The following CDH6 variants were observed in gnomAD, a reference collection of about 807,000 sequenced individuals.
CDH6 encodes cadherin 6.
In CDH6, 31 loss-of-function variants were observed where a neutral mutation model predicts 78.0. That is an observed-to-expected ratio of 0.40 (90% confidence interval 0.30 to 0.54). The LOEUF (loss-of-function observed/expected upper bound fraction) is 0.54, where lower values mean the gene tolerates loss of function less well. Among genes scored for constraint, CDH6 ranks in the 20% least tolerant of loss-of-function variants. The probability of loss-of-function intolerance (pLI) is 0.56; values close to 1 mark genes in which losing one functional copy is unlikely to be tolerated. For synonymous variants in CDH6, 376 were observed against 368.8 expected (o/e 1.02, Z -0.23); for missense variants, 724 against 975.9 (o/e 0.74, Z 3.44).
chr5:31,269,708 AG>A (rs1359246499), intron 2 of CDH6, among the ~76,000 whole-genome samples: 1 of 152,264 alleles, frequency 6.6e-6, no homozygotes, highest in Non-Finnish European at 1.5e-5. Context: ...AACAAAGCTC[AG>A]TGGAAAATAC....
chr5:31,255,014 T>C (rs1404594564), intron 1 of CDH6, among the ~76,000 whole-genome samples: 2 of 152,214 alleles, frequency 1.3e-5, no homozygotes, highest in Admixed American at 1.3e-4. Context: ...GCTCTTTCTA[T>C]TAAAAAATAT....
At chr5:31,269,603 A>G (rs977967781) in intron 2 of CDH6, among the ~76,000 whole-genome samples, 6 of 45,420 alleles carry the variant, frequency 1.3e-4, no homozygotes, top group African/African-American at 3.3e-4. Context: ...ATTATTGGTA[A>G]AAAATCCGTT....
In CDH6 at chr5:31,325,781, T is replaced by C. The variant is rs972521240; in HGVS notation, c.*2473T>C. 59 of 231,234 alleles carry C rather than the reference T, an allele frequency of 2.6e-4. No homozygotes were observed. The highest frequency in any genetic ancestry group is 1.3e-3 in the African/African-American group (58 of 45,364). 14.3% of individuals were successfully genotyped at this position (231,234 alleles called of 1,614,324 possible). A position where few individuals can be genotyped will look rare whatever the true frequency, so the allele number is the denominator to read the frequency against. On this transcript the variant is annotated 3_prime_UTR_variant, in exon 12 of 12. Coordinates refer to ENST00000265071, the MANE Select transcript of CDH6 (RefSeq NM_004932.4). The stretch of plus-strand genomic sequence containing the variant: ...TGATTACTTATGGAAATAACTTTAA[T>C]CTCTTATCATAAAAGCTGATGATGA...
At chr5:31,250,944 C>T in intron 1 of CDH6, 1 of 152,490 alleles carries the variant, frequency 6.6e-6, no homozygotes, top group Admixed American at 6.5e-5. Flanking sequence ...AAGGTCCCTC[C>T]ACCACTTGAA....
At chr5:31,210,469 A>G (rs1347912528) in intron 1 of CDH6, among the ~76,000 whole-genome samples, 1 of 152,164 alleles carries the variant, frequency 6.6e-6, no homozygotes, top group Non-Finnish European at 1.5e-5. Flanking sequence ...ACGCCACTGC[A>G]CTCCAGACTG....
intron 7 of CDH6, among the ~76,000 whole-genome samples, chr5:31,308,065 CTTA>C (rs1371013788): frequency 6.6e-6 from 1 of 151,982 alleles, no homozygotes; most frequent in Non-Finnish European, 1.5e-5. Context: ...AAAATTCATT[CTTA>C]TATTAGAAAA....
In CDH6 at chr5:31,257,990, G is replaced by A. The variant is rs555741061; in HGVS notation, c.-128-9356G>A. Among the ~76,000 whole-genome samples, 277 of 152,226 alleles carry A rather than the reference G, an allele frequency of 1.8e-3. 1 individual carries two copies. The highest frequency in any genetic ancestry group is 6.5e-3 in the African/African-American group (269 of 41,522). On this transcript the variant is annotated intron_variant, in intron 1 of 11. Transcript: ENST00000265071. ...CAAAGTATTCAGTCCCTCTAAGTCT[G>A]TGTTTCTTATCTCTCTGAAAGAGAG...
chr5:31,236,712 C>T (rs1243888016), intron 1 of CDH6, among the ~76,000 whole-genome samples: 1 of 152,214 alleles, frequency 6.6e-6, no homozygotes, highest in Non-Finnish European at 1.5e-5. Flanking sequence ...TTTGTCCTCT[C>T]TCTGAACTTG....
At chr5:31,303,360 G>C (rs916620245) in intron 6 of CDH6, among the ~76,000 whole-genome samples, 1 of 152,148 alleles carries the variant, frequency 6.6e-6, no homozygotes, top group Non-Finnish European at 1.5e-5. Context: ...CAGTGATCAA[G>C]ATGACTTGCA....
chr5:31,318,266 G>T, intron 11 of CDH6: 1 of 559,768 alleles, frequency 1.8e-6, no homozygotes, highest in Non-Finnish European at 3.2e-6. Flanking sequence ...GGAAAACGTT[G>T]TTAAGTGTCT....
rs202082546 is a variant in CDH6, at chr5:31,326,681, A to ATTTTT, written c.*3397_*3401dup. ...AAAGAGTTGTGCAGAAAATCTTAAA[A>ATTTTT]TTTTTTTTTTTTTTTTTTTTTTTTT... is the stretch of plus-strand genomic sequence containing the variant. On this transcript the variant is annotated 3_prime_UTR_variant, in exon 12 of 12. Coordinates refer to ENST00000265071, the MANE Select transcript of CDH6 (RefSeq NM_004932.4). 14 of 123,804 alleles carry ATTTTT rather than the reference A, an allele frequency of 1.1e-4. No homozygotes were observed. Among genetic ancestry groups the ATTTTT allele is most frequent in the East Asian group, 2.0e-4 (1 of 5,108 alleles). The allele number at this position is 123,804 out of a possible 1,614,324, so 7.7% of individuals were successfully genotyped here.
intron 1 of CDH6, among the ~76,000 whole-genome samples, chr5:31,260,727 G>A (rs958812607): frequency 6.6e-6 from 1 of 152,178 alleles, no homozygotes; most frequent in African/African-American, 2.4e-5. Context: ...TTGCCATAAT[G>A]ATTCATTGGC....
At chr5:31,287,772 T>C (rs957842000) in intron 2 of CDH6, among the ~76,000 whole-genome samples, 1 of 152,202 alleles carries the variant, frequency 6.6e-6, no homozygotes, top group Non-Finnish European at 1.5e-5. Context: ...TTTCTGATTC[T>C]GGAGGTAGGT....
intron 1 of CDH6, among the ~76,000 whole-genome samples, chr5:31,196,737 A>G (rs1740178905): frequency 6.6e-6 from 1 of 152,164 alleles, no homozygotes; most frequent in Admixed American, 6.5e-5. Context: ...GGGACTTACA[A>G]ATATTTTTAT....
chr5:31,259,097 C>T (rs1742139911), intron 1 of CDH6, among the ~76,000 whole-genome samples: 1 of 152,164 alleles, frequency 6.6e-6, no homozygotes, highest in Non-Finnish European at 1.5e-5. Flanking sequence ...TAGCAAGGTG[C>T]CTAGCACATA....
chr5:31,212,949 C>T (rs1006299423), intron 1 of CDH6, among the ~76,000 whole-genome samples: 1 of 152,146 alleles, frequency 6.6e-6, no homozygotes, highest in Non-Finnish European at 1.5e-5. Context: ...GTCATTTATT[C>T]ATACTCATTC....
chr5:31,277,996 G>A lies in CDH6; in HGVS notation c.228+10295G>A, dbSNP rs535630049. Among the ~76,000 whole-genome samples the A allele has an allele frequency of 3.9e-5, 6 of 152,206 alleles. No homozygotes were observed. In the South Asian group the frequency reaches 1.2e-3, roughly 32 times the overall value. ...CCATTACCTCACATAGTTACCATTT[G>A]TGTGTATGTGTATTTGTGTGTGTGT... is the stretch of plus-strand genomic sequence containing the variant. On this transcript the variant is annotated intron_variant, in intron 2 of 11. Transcript: ENST00000265071.
intron 1 of CDH6, among the ~76,000 whole-genome samples, chr5:31,199,150 T>C (rs1740250280): frequency 6.6e-6 from 1 of 151,928 alleles, no homozygotes; most frequent in African/African-American, 2.4e-5. Flanking sequence ...GTGTGTGATA[T>C]AGCATGATGA....
chr5:31,291,079 A>T (rs577536072), intron 2 of CDH6, among the ~76,000 whole-genome samples: 44 of 152,276 alleles, frequency 2.9e-4, no homozygotes, highest in Non-Finnish European at 4.9e-4. Flanking sequence ...TTCACCTATT[A>T]AGTGTGCAAC....
Sources: allele counts gnomAD v4.1 joint callset (sites outside exome capture counted in the v4.1 genomes callset), GRCh38; gene constraint gnomAD v4.1.1; transcripts MANE v1.5; gene names NCBI Gene and HGNC (gene_info 2026-07-23, HGNC 2026-07-21).